The following PFKFB1 variants were observed in gnomAD, a reference collection of about 807,000 sequenced individuals.
PFKFB1 encodes the protein 6-phosphofructo-2-kinase/fructose-2,6-biphosphatase 1.
A neutral mutation model predicts 46.4 loss-of-function variants in PFKFB1; 34 were observed. The observed-to-expected ratio is 0.73, with a 90% CI of 0.56 to 0.98. The LOEUF (loss-of-function observed/expected upper bound fraction) is 0.98, where lower values mean the gene tolerates loss of function less well. PFKFB1 is among the 50% of genes least tolerant of loss of function. PFKFB1 has a pLI of 0.00. For missense variants in PFKFB1, 393 were observed against 376.3 expected, an observed-to-expected ratio of 1.04 and a Z score of -0.37; for synonymous variants, 119 against 133.8, an observed-to-expected ratio of 0.89 and a Z score of 0.76.
intron 1 of PFKFB1, among the ~76,000 whole-genome samples, chrX:54,966,714 G>A (rs1051906370): frequency 9.1e-6 from 1 of 110,415 alleles, no homozygotes; most frequent in Admixed American, 9.7e-5. Context: ...TCTCCCTCTC[G>A]TTCTCACTCT....
At position 54,959,658 on chromosome X, in the gene PFKFB1, T is replaced by C. The variant is rs899005700; in HGVS notation, c.384+169A>G. On this transcript the variant is annotated intron_variant, in intron 4 of 13. Transcript: ENST00000375006. The stretch of plus-strand genomic sequence containing the variant: ...GTGAACCATTCTTCTGGGCTCTGAA[T>C]TGGGGCATAATAACAACACCTATCT... 5.4e-5 allele frequency among the ~76,000 whole-genome samples: 6 copies of C among 111,651 alleles called. 1 individual carries two copies. The highest frequency in any genetic ancestry group is 2.0e-4 in the African/African-American group (6 of 30,652).
chrX:54,998,732 T>C (rs1781775398), upstream of PFKFB1, among the ~76,000 whole-genome samples: 1 of 112,653 alleles, frequency 8.9e-6, no homozygotes, highest in South Asian at 3.6e-4. Flanking sequence ...AAACCAGCCA[T>C]GGAGACAGGC....
intron 10 of PFKFB1, among the ~76,000 whole-genome samples, chrX:54,939,893 T>A (rs1488515908): frequency 3.6e-5 from 4 of 112,091 alleles, no homozygotes; most frequent in Non-Finnish European, 7.5e-5. Flanking sequence ...ACTCATTTTA[T>A]GAGGCCAGCA....
intron 7 of PFKFB1, among the ~76,000 whole-genome samples, chrX:54,954,796 G>A (rs1393713493): frequency 8.9e-6 from 1 of 112,047 alleles, no homozygotes; most frequent in Admixed American, 9.5e-5. Flanking sequence ...CACGTTCAGG[G>A]CTGGGACCTG....
At chrX:54,984,712 C>T (rs1276416909) in intron 1 of PFKFB1, among the ~76,000 whole-genome samples, 1 of 111,470 alleles carries the variant, frequency 9.0e-6, no homozygotes, top group Non-Finnish European at 1.9e-5. Context: ...AATGTCCCAT[C>T]AATACTTTGG....
At chrX:54,944,109 T>C (rs1933734723) in intron 10 of PFKFB1, among the ~76,000 whole-genome samples, 1 of 111,756 alleles carries the variant, frequency 8.9e-6, no homozygotes, top group South Asian at 3.7e-4. Context: ...AGGATTCAAG[T>C]TGGTTGCATA....
At chrX:54,954,612 A>G (rs754168032) in intron 7 of PFKFB1, among the ~76,000 whole-genome samples, 2 of 111,733 alleles carry the variant, frequency 1.8e-5, no homozygotes, top group Non-Finnish European at 3.8e-5. Flanking sequence ...TAGTCTGCCT[A>G]TTGGGTAATC....
intron 8 of PFKFB1, among the ~76,000 whole-genome samples, 180 bp from the exon 9 acceptor site, chrX:54,949,401 C>G (rs1285585131): frequency 1.0e-5 from 1 of 99,566 alleles, no homozygotes; most frequent in East Asian, 3.2e-4. Context: ...GATGGTGGGC[C>G]AAGGGAATAG....
At chrX:54,969,590 A>C (rs1408052426) in intron 1 of PFKFB1, among the ~76,000 whole-genome samples, 1 of 112,452 alleles carries the variant, frequency 8.9e-6, no homozygotes, top group Admixed American at 9.4e-5. Flanking sequence ...AAAATACAAT[A>C]TCCATTCGTA....
chrX:54,934,054 G>A (rs1418534461), intron 12 of PFKFB1, among the ~76,000 whole-genome samples, 169 bp from the exon 13 acceptor site: 1 of 111,520 alleles, frequency 9.0e-6, no homozygotes, highest in African/African-American at 3.3e-5. Flanking sequence ...TGATGTGTGG[G>A]GAAGACACCA....
intron 10 of PFKFB1, among the ~76,000 whole-genome samples, chrX:54,939,860 A>G (rs899693132): frequency 8.9e-6 from 1 of 112,252 alleles, no homozygotes; most frequent in Non-Finnish European, 1.9e-5. Flanking sequence ...TCCAATCAAT[A>G]GAAAAAGAGG....
intron 5 of PFKFB1, 82 bp downstream of exon 5, chrX:54,958,769 G>A (rs779728196): frequency 8.1e-4 from 517 of 635,640 alleles, no homozygotes; most frequent in Non-Finnish European, 1.1e-3. Context: ...GGATTTGGCC[G>A]CTCTGAGTCC....
At chrX:54,975,409 C>T (rs1253309009) in intron 1 of PFKFB1, among the ~76,000 whole-genome samples, 1 of 110,431 alleles carries the variant, frequency 9.1e-6, no homozygotes, top group African/African-American at 3.3e-5. Flanking sequence ...TATGTTCTCA[C>T]TTATAAGTGG....
intron 11 of PFKFB1, among the ~76,000 whole-genome samples, chrX:54,936,788 A>G (rs957085715): frequency 7.1e-5 from 8 of 111,993 alleles, no homozygotes; most frequent in Non-Finnish European, 1.3e-4. Flanking sequence ...GGATGACTCC[A>G]TATTACAGTG....
intron 7 of PFKFB1, among the ~76,000 whole-genome samples, chrX:54,954,350 T>TA (rs1934073406): frequency 9.1e-6 from 1 of 109,925 alleles, no homozygotes; most frequent in South Asian, 4.0e-4. Flanking sequence ...CTATCTCTAA[T>TA]AAAAATACAA....
intron 1 of PFKFB1, among the ~76,000 whole-genome samples, chrX:54,978,926 T>C (rs1288433831): frequency 8.9e-6 from 1 of 111,965 alleles, no homozygotes; most frequent in Non-Finnish European, 1.9e-5. Context: ...GATTGGATGA[T>C]TCTAAGGAAA....
chrX:54,946,687 C>T (rs1006902208), intron 9 of PFKFB1, among the ~76,000 whole-genome samples: 4 of 112,027 alleles, frequency 3.6e-5, no homozygotes, highest in South Asian at 3.7e-4. Context: ...AGGAGCCTGT[C>T]GCCTATGGAA....
intron 6 of PFKFB1, among the ~76,000 whole-genome samples, chrX:54,956,807 T>C (rs1934157021): frequency 9.1e-6 from 1 of 110,412 alleles, no homozygotes; most frequent in South Asian, 4.0e-4. Flanking sequence ...TGTCTGTCTT[T>C]CTATCATCCC....
At chrX:54,972,133 T>A (rs1934686801) in intron 1 of PFKFB1, among the ~76,000 whole-genome samples, 1 of 111,296 alleles carries the variant, frequency 9.0e-6, no homozygotes, top group Non-Finnish European at 1.9e-5. Flanking sequence ...GATTTGGCTC[T>A]CTGTTTGTCT....
Sources: gnomAD v4.1 joint callset for allele counts (sites outside exome capture counted in the v4.1 genomes callset) on GRCh38, gnomAD v4.1.1 for gene constraint, MANE v1.5 for transcripts, NCBI Gene and HGNC (gene_info 2026-07-23, HGNC 2026-07-21) for gene names.